UST: variants seen among roughly 807,000 people sequenced by gnomAD.
The protein encoded by UST is chondroitin sulfate 2-O-sulfotransferase.
A neutral mutation model predicts 45.6 loss-of-function variants in UST; 21 were observed. That is an observed-to-expected ratio of 0.46 (90% CI 0.33 to 0.66). The LOEUF is 0.66. Among genes scored for constraint, UST ranks in the 30% least tolerant of loss-of-function variants. UST has a pLI of 0.02. For missense variants in UST, 463 were observed against 512.4 expected, an observed-to-expected ratio of 0.90 and a Z score of 0.93; for synonymous variants, 215 against 200.6, an observed-to-expected ratio of 1.07 and a Z score of -0.61.
chr6:148,867,285 T>TACAC (rs58093813), intron 1 of UST, among the ~76,000 whole-genome samples: 6,583 of 136,694 alleles, frequency 0.048, 285 homozygotes, highest in East Asian at 0.29. Flanking sequence ...CATTGTTGAA[T>TACAC]ACACACACAC....
At position 149,009,354 on chromosome 6, in the gene UST, G is replaced by T. The variant is rs931607330; in HGVS notation, c.682-9785G>T. On this transcript the variant is annotated intron_variant, in intron 5 of 7. Coordinates refer to ENST00000367463, the MANE Select transcript of UST (RefSeq NM_005715.3). ...AGCCAATTGGAAAACTAGAATTAAA[G>T]AATGCAGAAAATGAAGGAGAGAAGA... Among the ~76,000 whole-genome samples the T allele has an allele frequency of 3.3e-5, 5 of 152,038 alleles. No individual in the cohort carries two copies. In the South Asian group the frequency reaches 6.2e-4, roughly 19 times the overall value.
chr6:149,009,373 GAGA>G (rs1562328283), intron 5 of UST, among the ~76,000 whole-genome samples: 1 of 151,984 alleles, frequency 6.6e-6, no homozygotes, highest in Non-Finnish European at 1.5e-5. Flanking sequence ...AAATGAAGGA[GAGA>G]AGATTATTTA....
intron 1 of UST, among the ~76,000 whole-genome samples, chr6:148,792,688 A>C (rs530774372): frequency 1.3e-5 from 2 of 152,136 alleles, no homozygotes; most frequent in Admixed American, 1.3e-4. Flanking sequence ...ATTTTCTGGG[A>C]TCTATTTTAA....
intron 1 of UST, among the ~76,000 whole-genome samples, chr6:148,827,765 G>A (rs72999187): frequency 0.012 from 1,737 of 146,642 alleles, 24 homozygotes; most frequent in Non-Finnish European, 0.016. Flanking sequence ...AACACTAATT[G>A]TGAATTAGAT....
intron 5 of UST, among the ~76,000 whole-genome samples, chr6:148,967,876 G>C (rs1780834096): frequency 6.6e-6 from 1 of 152,250 alleles, no homozygotes; most frequent in African/African-American, 2.4e-5. Context: ...GGAGTGGCCA[G>C]TGCCTGCCTC....
chr6:148,856,009 G>GGTTTTGTTTT (rs78775344), intron 1 of UST, among the ~76,000 whole-genome samples: 5 of 151,506 alleles, frequency 3.3e-5, no homozygotes, highest in African/African-American at 1.2e-4. Flanking sequence ...AAAAATATGG[G>GGTTTTGTTTT]GTTTTGTTTT....
chr6:148,962,535 A>G (rs1780683541), intron 4 of UST, among the ~76,000 whole-genome samples: 1 of 152,148 alleles, frequency 6.6e-6, no homozygotes, highest in Non-Finnish European at 1.5e-5. Flanking sequence ...TAGATATGAA[A>G]CCCAATTTAA....
intron 1 of UST, among the ~76,000 whole-genome samples, chr6:148,885,994 AAG>A (rs1778905664): frequency 6.6e-6 from 1 of 152,190 alleles, no homozygotes. Context: ...CTAGACTCAC[AAG>A]AGTTACCCCT....
At chr6:148,759,795 A>C (rs1335700582) in intron 1 of UST, among the ~76,000 whole-genome samples, 2 of 143,846 alleles carry the variant, frequency 1.4e-5, no homozygotes, top group Admixed American at 7.1e-5. Context: ...TTGCAGTGAG[A>C]CAAGATCGCA....
rs1021251733 is a variant in UST, at chr6:148,834,633, G to C, written c.248-52353G>C. 3.9e-5 allele frequency among the ~76,000 whole-genome samples: 6 copies of C among 152,178 alleles called. No individual in the cohort carries two copies. In the East Asian group the frequency reaches 1.2e-3, roughly 29 times the overall value. On this transcript the variant is annotated intron_variant, in intron 1 of 7. Coordinates refer to ENST00000367463, the MANE Select transcript of UST (RefSeq NM_005715.3). ...GCCTGTAGTCCCAGCTACTCAGGAG[G>C]CCGAGGTGGGAGGATTGCTTGAGCC...
At chr6:148,954,005 C>T in intron 4 of UST, 54 bp downstream of exon 4, 1 of 1,386,546 alleles carries the variant, frequency 7.2e-7, no homozygotes, top group Non-Finnish European at 1.0e-6. Context: ...TGAACAGTTA[C>T]TTTAGAAATC....
chr6:149,001,294 G>A (rs551233785), intron 5 of UST, among the ~76,000 whole-genome samples: 43 of 152,236 alleles, frequency 2.8e-4, no homozygotes, highest in Admixed American at 1.1e-3. Flanking sequence ...GGATGGTCCT[G>A]ATCTCCTGAC....
chr6:148,824,261 G>A (rs1474835832), intron 1 of UST, among the ~76,000 whole-genome samples: 1 of 152,220 alleles, frequency 6.6e-6, no homozygotes, highest in Non-Finnish European at 1.5e-5. Flanking sequence ...ACAGGAATGT[G>A]TTGGATAACC....
chr6:148,866,941 G>A (rs527431495), intron 1 of UST, among the ~76,000 whole-genome samples: 41 of 151,936 alleles, frequency 2.7e-4, no homozygotes, highest in African/African-American at 8.7e-4. Context: ...ATTCTGAAAC[G>A]GTCATGGCCT....
chr6:148,802,672 AGGGT>A (rs1777075590), intron 1 of UST, among the ~76,000 whole-genome samples: 1 of 152,216 alleles, frequency 6.6e-6, no homozygotes, highest in South Asian at 2.1e-4. Flanking sequence ...ATTGAGGGCC[AGGGT>A]GGGAGGAAAT....
chr6:148,794,562 C>G (rs1776912364), intron 1 of UST, among the ~76,000 whole-genome samples: 1 of 152,120 alleles, frequency 6.6e-6, no homozygotes. Flanking sequence ...AAGTCAGTGT[C>G]CTCCCATTTA....
chr6:148,881,512 G>A (rs1778822616), intron 1 of UST, among the ~76,000 whole-genome samples: 1 of 152,214 alleles, frequency 6.6e-6, no homozygotes, highest in African/African-American at 2.4e-5. Context: ...CTGCCGTCTG[G>A]ATCTGAGCCT....
chr6:148,764,514 G>A (rs184479244), intron 1 of UST, among the ~76,000 whole-genome samples: 2 of 152,208 alleles, frequency 1.3e-5, no homozygotes, highest in East Asian at 3.9e-4. Context: ...ACCCACCCCC[G>A]ATAATTCAAC....
intron 3 of UST, among the ~76,000 whole-genome samples, chr6:148,945,621 TG>T (rs1187709024): frequency 6.6e-6 from 1 of 152,246 alleles, no homozygotes; most frequent in Non-Finnish European, 1.5e-5. Context: ...TCAATAAATT[TG>T]GTAAATGTTG....
Sources: allele counts gnomAD v4.1 joint callset (sites outside exome capture counted in the v4.1 genomes callset), GRCh38; gene constraint gnomAD v4.1.1; transcripts MANE v1.5; gene names NCBI Gene and HGNC (gene_info 2026-07-23, HGNC 2026-07-21).